MDN1: variants seen among roughly 807,000 people sequenced by gnomAD.
The protein encoded by MDN1 is midasin.
MDN1 carries 266 observed loss-of-function variants against 669.2 expected under a neutral mutation model. The ratio of observed to expected loss-of-function variants is 0.40; its 90% CI spans 0.36 to 0.44. The LOEUF is 0.44. Ranked by LOEUF, MDN1 falls within the 20% of genes least tolerant of loss-of-function variation. The pLI is 1.00. For missense variants in MDN1, 5,940 were observed against 6,754.0 expected (o/e 0.88, Z 4.22); for synonymous variants, 2,385 against 2,457.1 (o/e 0.97, Z 0.87).
In MDN1 at chr6:89,734,690, CAAGA is replaced by C. The variant is rs1481038516; in HGVS notation, c.4724-1919_4724-1916del. 2.4e-3 allele frequency among the ~76,000 whole-genome samples: 266 copies of C among 112,866 alleles called. 6 individuals carry two copies. The highest frequency in any genetic ancestry group is 0.019 in the South Asian group (66 of 3,432). 74.0% of individuals were successfully genotyped at this position (112,866 alleles called of 152,430 possible). A position where few individuals can be genotyped will look rare whatever the true frequency, so the allele number is the denominator to read the frequency against. ...AAGAAGAAAAAAAAAAAAAAAAAAA[CAAGA>C]GAGAGAGAGAGAGAGAGAGAGAACT... On this transcript the variant is annotated intron_variant, in intron 33 of 101. Transcript: ENST00000369393.
In MDN1 at chr6:89,740,396, G is replaced by A; in HGVS notation, c.4449-18C>T. On this transcript the variant is annotated intron_variant, in intron 31 of 101. Coordinates refer to ENST00000369393, the MANE Select transcript of MDN1 (RefSeq NM_014611.3). ...CAAGGACACTAAAAGAAAAATTGAA[G>A]AACAGTGAAAAGGGCTTATACAATC... The A allele has an allele frequency of 6.4e-7, 1 of 1,564,154 alleles. No homozygotes were observed. Among genetic ancestry groups the A allele is most frequent in the Non-Finnish European group, 8.6e-7 (1 of 1,164,642 alleles).
At chr6:89,705,098 C>T (rs929110396) in intron 53 of MDN1, among the ~76,000 whole-genome samples, 1 of 152,200 alleles carries the variant, frequency 6.6e-6, no homozygotes, top group African/African-American at 2.4e-5. Context: ...CAACATACTA[C>T]AAGAATCCAT....
intron 77 of MDN1, chr6:89,675,848 A>C: frequency 1.8e-6 from 1 of 557,874 alleles, no homozygotes. Context: ...GGCATTCTCA[A>C]TTTGAAGTTT....
intron 80 of MDN1, 100 bp downstream of exon 80, chr6:89,673,136 A>G (rs570676389): frequency 7.4e-6 from 8 of 1,079,294 alleles, no homozygotes; most frequent in Non-Finnish European, 1.1e-5. Flanking sequence ...AGGTACATGT[A>G]GACCAAAATA....
At chr6:89,673,960 C>A in intron 79 of MDN1, 144 bp downstream of exon 79, 1 of 861,552 alleles carries the variant, frequency 1.2e-6, no homozygotes. Context: ...CACCCCATCC[C>A]CCAAACCGAC....
chr6:89,771,254 A>C (rs1271143841), intron 15 of MDN1, among the ~76,000 whole-genome samples: 1 of 152,188 alleles, frequency 6.6e-6, no homozygotes, highest in Non-Finnish European at 1.5e-5. Context: ...CATGGGACAC[A>C]TGAAGAAGCA....
intron 1 of MDN1, among the ~76,000 whole-genome samples, chr6:89,810,840 A>C (rs1336585761): frequency 6.6e-6 from 1 of 152,140 alleles, no homozygotes; most frequent in African/African-American, 2.4e-5. Context: ...TCTACTAAAA[A>C]TACAAAAATT....
rs540513312 is a variant in MDN1 at position 89,642,510 on chromosome 6, G to A, written c.*1495C>T. The A allele has an allele frequency of 2.0e-5, 3 of 152,322 alleles. No individual in the cohort carries two copies. In the Middle Eastern group the frequency reaches 0.01, roughly 522 times the overall value. 9.4% of individuals were successfully genotyped at this position (152,322 alleles called of 1,614,324 possible). On this transcript the variant is annotated 3_prime_UTR_variant, in exon 102 of 102. Transcript: ENST00000369393. ...GGATGCAACATCATCATTTATGGAG[G>A]ATAATTAATTTTTATAAGCCTCCTT...
At chr6:89,679,677 A>C (rs192939863) in intron 74 of MDN1, among the ~76,000 whole-genome samples, 27 of 152,302 alleles carry the variant, frequency 1.8e-4, no homozygotes, top group Admixed American at 1.4e-3. Context: ...CTTCAGAAGT[A>C]ATCAACCTTG....
chr6:89,646,723 G>C, intron 99 of MDN1, 120 bp from the exon 100 acceptor site: 1 of 778,882 alleles, frequency 1.3e-6, no homozygotes. Flanking sequence ...CAGGTTTACA[G>C]ACCATCAACT....
chr6:89,701,515 A>G (rs200032169), intron 55 of MDN1, 43 bp downstream of exon 55: 1 of 1,607,708 alleles, frequency 6.2e-7, no homozygotes, highest in Non-Finnish European at 8.5e-7. Context: ...CTTCAGAAGT[A>G]GTAGTCACAT....
At chr6:89,811,331 T>C (rs1768400972) in intron 1 of MDN1, among the ~76,000 whole-genome samples, 1 of 152,206 alleles carries the variant, frequency 6.6e-6, no homozygotes, top group Admixed American at 6.5e-5. Context: ...AGTTTTCTCC[T>C]TCTGTAAGCC....
intron 13 of MDN1, among the ~76,000 whole-genome samples, chr6:89,773,112 C>T (rs1294396686): frequency 6.6e-6 from 1 of 152,160 alleles, no homozygotes; most frequent in African/African-American, 2.4e-5. Flanking sequence ...TACCCAGATC[C>T]TATGAATGTG....
chr6:89,813,696 A>T (rs1362258296), intron 1 of MDN1, among the ~76,000 whole-genome samples: 1 of 152,002 alleles, frequency 6.6e-6, no homozygotes, highest in Non-Finnish European at 1.5e-5. Flanking sequence ...ACTGTACGCT[A>T]GCCCAGGCAA....
intron 9 of MDN1, among the ~76,000 whole-genome samples, chr6:89,782,600 CAAA>C (rs869058066): frequency 1.4e-5 from 1 of 72,444 alleles, no homozygotes; most frequent in Non-Finnish European, 2.6e-5. Context: ...GACCTTTCCT[CAAA>C]AAATAATAAT....
intron 15 of MDN1, 68 bp from the exon 16 acceptor site, chr6:89,762,598 C>T: frequency 1.7e-6 from 2 of 1,176,900 alleles, no homozygotes; most frequent in Non-Finnish European, 2.4e-6. Flanking sequence ...AAGCATGGCT[C>T]AGAAAACAGG....
intron 2 of MDN1, among the ~76,000 whole-genome samples, chr6:89,798,890 C>A (rs539721297): frequency 6.6e-6 from 1 of 152,244 alleles, no homozygotes; most frequent in South Asian, 2.1e-4. Context: ...TAGCTTCCTA[C>A]CATTCTGTAT....
At position 89,756,398 on chromosome 6, in the gene MDN1, A is replaced by G; in HGVS notation, c.2703-8T>C. The G allele has an allele frequency of 7.5e-7, 1 of 1,339,648 alleles. No individual in the cohort carries two copies. The highest frequency in any genetic ancestry group is 1.3e-5 in the South Asian group (1 of 78,972). The allele number at this position is 1,339,648 out of a possible 1,614,324, so 83.0% of individuals were successfully genotyped here. ...ACATAAAGTTCTGTGAACCTGTAAA[A>G]CAATACATAATAAACACTTTTTAGG... On this transcript the variant is annotated splice_polypyrimidine_tract_variant and splice_region_variant and intron_variant, in intron 19 of 101. Coordinates refer to ENST00000369393, the MANE Select transcript of MDN1 (RefSeq NM_014611.3).
In MDN1 at chr6:89,729,731, A is replaced by G. The variant is rs1444488058; in HGVS notation, c.5141-592T>C. Among the ~76,000 whole-genome samples the G allele has an allele frequency of 2.0e-5, 3 of 148,740 alleles. No individual in the cohort carries two copies. In the East Asian group the frequency reaches 5.9e-4, roughly 29 times the overall value. On this transcript the variant is annotated intron_variant, in intron 35 of 101. Transcript: ENST00000369393. ...AGTTTGAAGGGAGTGAGGCTAGGAA[A>G]ACATTTATTACCTCACCCTTGGTAG...
Sources: gnomAD v4.1 joint callset for allele counts (sites outside exome capture counted in the v4.1 genomes callset) on GRCh38, gnomAD v4.1.1 for gene constraint, MANE v1.5 for transcripts, NCBI Gene and HGNC (gene_info 2026-07-23, HGNC 2026-07-21) for gene names.